Variants in KIRREL3 observed in about 807,000 individuals in gnomAD.
The protein encoded by KIRREL3 is kin of IRRE-like protein 3.
A neutral mutation model predicts 89.7 loss-of-function variants in KIRREL3; 36 were observed. The observed-to-expected ratio is 0.40, with a 90% CI of 0.31 to 0.53. The LOEUF (loss-of-function observed/expected upper bound fraction) is 0.53, where lower values mean the gene tolerates loss of function less well. Among genes scored for constraint, KIRREL3 ranks in the 20% least tolerant of loss-of-function variants. The probability of loss-of-function intolerance (pLI) is 0.49; values close to 1 mark genes in which losing one functional copy is unlikely to be tolerated. For synonymous variants in KIRREL3, 445 were observed against 441.4 expected, an observed-to-expected ratio of 1.01 and a Z score of -0.10; for missense variants, 864 against 1,056.6, an observed-to-expected ratio of 0.82 and a Z score of 2.53.
rs1230470126 is a variant in KIRREL3 at position 126,983,582 on chromosome 11, G to T, written c.55+16873C>A. 6.6e-6 allele frequency among the ~76,000 whole-genome samples: 1 copy of T among 152,178 alleles called. No homozygotes were observed. Among genetic ancestry groups the T allele is most frequent in the African/African-American group, 2.4e-5 (1 of 41,442 alleles). ...GTCAGTAGTAGGTGAGGTGAAGATGGAAGCAAGAGGTTGGAGTGAAGGGAG... is the reference window on the plus strand; with the variant it reads ...GTCAGTAGTAGGTGAGGTGAAGATGTAAGCAAGAGGTTGGAGTGAAGGGAG... On this transcript the variant is annotated intron_variant, in intron 1 of 16. Transcript: ENST00000525144. The surrounding 1 kb of genome is among the most constrained non-coding windows in gnomAD (Gnocchi z 4.9).
chr11:126,429,105 T>G lies in KIRREL3; in HGVS notation c.1806+74A>C. 1.0e-6 allele frequency: 1 copy of G among 955,426 alleles called. No individual in the cohort carries two copies. Among genetic ancestry groups the G allele is most frequent in the Non-Finnish European group, 1.6e-6 (1 of 608,216 alleles). 59.2% of individuals were successfully genotyped at this position (955,426 alleles called of 1,614,324 possible). A position where few individuals can be genotyped will look rare whatever the true frequency, so the allele number is the denominator to read the frequency against. On this transcript the variant is annotated intron_variant, in intron 15 of 16. Transcript: ENST00000525144. The surrounding 1 kb of genome is among the most constrained non-coding windows in gnomAD (Gnocchi z 5.2). ...CTGCTTTTTGGAAGCATCTAGTTCA[T>G]TGAGAAGCCTCTAGTCCCAGGACCT...
At chr11:127,001,933 G>A (rs901626306), upstream of KIRREL3, among the ~76,000 whole-genome samples, 5 of 152,186 alleles carry the variant, frequency 3.3e-5, no homozygotes, top group African/African-American at 7.2e-5. Flanking sequence ...AATGAAAGAC[G>A]CTCCCCTGAC....
chr11:126,856,280 C>A (rs1010091838), intron 1 of KIRREL3, among the ~76,000 whole-genome samples: 1 of 152,084 alleles, frequency 6.6e-6, no homozygotes, highest in Non-Finnish European at 1.5e-5. Flanking sequence ...AACAATCTGT[C>A]TACCTCTCAG....
chr11:126,880,989 T>C (rs1234060267), intron 1 of KIRREL3, among the ~76,000 whole-genome samples: 2 of 152,206 alleles, frequency 1.3e-5, no homozygotes, highest in Non-Finnish European at 2.9e-5. Flanking sequence ...AAAATGTTAA[T>C]GCAAACATAA....
chr11:126,451,371 T>C (rs1168384828), intron 7 of KIRREL3, among the ~76,000 whole-genome samples: 1 of 148,506 alleles, frequency 6.7e-6, no homozygotes, highest in Non-Finnish European at 1.5e-5. Flanking sequence ...TGTGACTATG[T>C]GTGAGCGTGT....
At chr11:126,621,022 C>A (rs12360844) in intron 1 of KIRREL3, among the ~76,000 whole-genome samples, 29,825 of 151,992 alleles carry the variant, frequency 0.2, 3,676 homozygotes, top group Non-Finnish European at 0.28. Flanking sequence ...TGAGTGTAAG[C>A]GAATGCAAAG....
chr11:126,435,358 G>A, intron 12 of KIRREL3, 55 bp from the exon 13 acceptor site: 4 of 1,589,616 alleles, frequency 2.5e-6, no homozygotes, highest in Non-Finnish European at 3.5e-6. Context: ...CCAGGGTGGG[G>A]TGGGACTGGG....
rs988935214 is a variant in KIRREL3 at position 126,652,347 on chromosome 11, C to T, written c.56-89435G>A. Among the ~76,000 whole-genome samples the T allele has an allele frequency of 6.6e-5, 10 of 152,094 alleles. No homozygotes were observed. The highest frequency in any genetic ancestry group is 1.9e-4 in the African/African-American group (8 of 41,404). ...TCTTTACTTAGGGCACAAAGAAGAACCAAGACAGGAGAGGAAGCCTGGGCC... is the reference window on the plus strand; with the variant it reads ...TCTTTACTTAGGGCACAAAGAAGAATCAAGACAGGAGAGGAAGCCTGGGCC... On this transcript the variant is annotated intron_variant, in intron 1 of 16. Transcript: ENST00000525144. This position sits in a 1 kb window ranked among gnomAD's most constrained non-coding sequence, Gnocchi z 4.9.
intron 1 of KIRREL3, among the ~76,000 whole-genome samples, chr11:126,617,676 C>T (rs533510638): frequency 5.5e-4 from 84 of 152,112 alleles, no homozygotes; most frequent in Non-Finnish European, 1.0e-3. Flanking sequence ...AGGTACATTG[C>T]ACATATTAGC....
At position 126,463,570 on chromosome 11, in the gene KIRREL3, T is replaced by A. The variant is rs547543861; in HGVS notation, c.592-263A>T. Reference sequence around the variant, plus strand: ...ATGTGAAAATTAGCCTGGATTCACATGCTAAAAGCACAAAAGAAAGCAGGA... The same window carrying A: ...ATGTGAAAATTAGCCTGGATTCACAAGCTAAAAGCACAAAAGAAAGCAGGA... On this transcript the variant is annotated intron_variant, in intron 5 of 16. Coordinates refer to ENST00000525144, the MANE Select transcript of KIRREL3 (RefSeq NM_032531.4). This position sits in a 1 kb window ranked among gnomAD's most constrained non-coding sequence, Gnocchi z 5.9. Among the ~76,000 whole-genome samples, 1 of 152,342 alleles carries A rather than the reference T, an allele frequency of 6.6e-6. No individual in the cohort carries two copies. The highest frequency in any genetic ancestry group is 2.4e-5 in the African/African-American group (1 of 41,584).
intron 1 of KIRREL3, among the ~76,000 whole-genome samples, chr11:126,921,698 T>G (rs1247635767): frequency 1.8e-3 from 248 of 138,370 alleles, no homozygotes; most frequent in East Asian, 4.2e-3. Context: ...CTGTCTGTCT[T>G]TCTTTCTTTT....
rs911858291 is a variant in KIRREL3, at chr11:126,879,232, T to C, written c.55+121223A>G. Among the ~76,000 whole-genome samples the C allele has an allele frequency of 1.3e-5, 2 of 152,184 alleles. No individual in the cohort carries two copies. The highest frequency in any genetic ancestry group is 2.9e-5 in the Non-Finnish European group (2 of 68,020). On this transcript the variant is annotated intron_variant, in intron 1 of 16. Transcript: ENST00000525144. This position sits in a 1 kb window ranked among gnomAD's most constrained non-coding sequence, Gnocchi z 5.4. ...GGATGCAGATGCTATATGCAGCTGTTATGCAAAGAAGCTCTTGCTCTCAGA... is the reference window on the plus strand; with the variant it reads ...GGATGCAGATGCTATATGCAGCTGTCATGCAAAGAAGCTCTTGCTCTCAGA...
In KIRREL3 at chr11:126,978,904, A is replaced by T. The variant is rs1404919917; in HGVS notation, c.55+21551T>A. Among the ~76,000 whole-genome samples, 2 of 152,166 alleles carry T rather than the reference A, an allele frequency of 1.3e-5. No individual in the cohort carries two copies. Among genetic ancestry groups the T allele is most frequent in the Non-Finnish European group, 2.9e-5 (2 of 68,042 alleles). ...TGTGTCCCTGAATACATTGAGGTAC[A>T]CCTGCCTTTCTGAAAGTTTGGCAGG... On this transcript the variant is annotated intron_variant, in intron 1 of 16. Coordinates refer to ENST00000525144, the MANE Select transcript of KIRREL3 (RefSeq NM_032531.4). The surrounding 1 kb of genome is among the most constrained non-coding windows in gnomAD (Gnocchi z 4.2).
intron 1 of KIRREL3, among the ~76,000 whole-genome samples, chr11:126,949,918 C>A (rs1370678579): frequency 6.6e-6 from 1 of 152,294 alleles, no homozygotes; most frequent in South Asian, 2.1e-4. Context: ...ACATTAAAAC[C>A]AAAATAAATA....
At position 126,537,912 on chromosome 11, in the gene KIRREL3, C is replaced by T. The variant is rs375357721; in HGVS notation, c.134-11225G>A. Among the ~76,000 whole-genome samples the T allele has an allele frequency of 1.7e-4, 26 of 151,604 alleles. No homozygotes were observed. The South Asian group carries it at 2.3e-3, about 13-fold the overall frequency. ...TCTTGCGGAGTCCCAGAGCTGAGAACGGAGGCTTTGCAAATCTGAAGTTGC... is the reference window on the plus strand; with the variant it reads ...TCTTGCGGAGTCCCAGAGCTGAGAATGGAGGCTTTGCAAATCTGAAGTTGC... On this transcript the variant is annotated intron_variant, in intron 2 of 16. Coordinates refer to ENST00000525144, the MANE Select transcript of KIRREL3 (RefSeq NM_032531.4). The surrounding 1 kb of genome is among the most constrained non-coding windows in gnomAD (Gnocchi z 4.3).
rs1303582800 is a variant in KIRREL3, at chr11:126,525,091, A to G, written c.283+1447T>C. 6.6e-6 allele frequency among the ~76,000 whole-genome samples: 1 copy of G among 152,098 alleles called. No individual in the cohort carries two copies. The highest frequency in any genetic ancestry group is 1.5e-5 in the Non-Finnish European group (1 of 68,024). ...TGGATCCCAGAAAGCCATTCATGGC[A>G]CTGGATGCTAGAGGGTCAGTTATCC... is the stretch of plus-strand genomic sequence containing the variant. On this transcript the variant is annotated intron_variant, in intron 3 of 16. Coordinates refer to ENST00000525144, the MANE Select transcript of KIRREL3 (RefSeq NM_032531.4). The surrounding 1 kb of genome is among the most constrained non-coding windows in gnomAD (Gnocchi z 5.4).
chr11:126,750,107 G>C lies in KIRREL3; in HGVS notation c.56-187195C>G, dbSNP rs1949286464. Among the ~76,000 whole-genome samples, 1 of 152,148 alleles carries C rather than the reference G, an allele frequency of 6.6e-6. No homozygotes were observed. The highest frequency in any genetic ancestry group is 1.5e-5 in the Non-Finnish European group (1 of 68,024). ...CTTTTTGTGGATATTGAAAATAATG[G>C]ATGGAATAAATAAGTGCCTTGCACA... On this transcript the variant is annotated intron_variant, in intron 1 of 16. Transcript: ENST00000525144. This position sits in a 1 kb window ranked among gnomAD's most constrained non-coding sequence, Gnocchi z 4.2.
chr11:126,578,426 G>A lies in KIRREL3; in HGVS notation c.56-15514C>T, dbSNP rs1225648757. Among the ~76,000 whole-genome samples the A allele has an allele frequency of 6.6e-6, 1 of 152,208 alleles. No individual in the cohort carries two copies. The highest frequency in any genetic ancestry group is 1.9e-4 in the East Asian group (1 of 5,200). On this transcript the variant is annotated intron_variant, in intron 1 of 16. Transcript: ENST00000525144. This position sits in a 1 kb window ranked among gnomAD's most constrained non-coding sequence, Gnocchi z 4.9. ...GAAAAGGGATGATCTTGGTCTTGGC[G>A]TGAACTTCCACATGAACGTGACTCC...
chr11:126,549,105 C>T (rs377177173), intron 2 of KIRREL3, among the ~76,000 whole-genome samples: 29 of 152,342 alleles, frequency 1.9e-4, no homozygotes, highest in Admixed American at 7.8e-4. Flanking sequence ...GCATTTGACT[C>T]GGAGATGGGG....
Sources: allele counts gnomAD v4.1 joint callset (sites outside exome capture counted in the v4.1 genomes callset), GRCh38; gene constraint gnomAD v4.1.1; non-coding constraint Gnocchi (gnomAD v3.1); transcripts MANE v1.5; gene names NCBI Gene and HGNC (gene_info 2026-07-23, HGNC 2026-07-21).